The following HECW1 variants were observed in gnomAD, a reference collection of about 807,000 sequenced individuals.
HECW1 encodes E3 ubiquitin-protein ligase HECW1.
In HECW1, 61 loss-of-function variants were observed where a neutral mutation model predicts 182.3. The observed-to-expected ratio is 0.33, with a 90% CI of 0.27 to 0.41. The LOEUF (loss-of-function observed/expected upper bound fraction) is 0.41. Among genes scored for constraint, HECW1 ranks in the 10% least tolerant of loss-of-function variants. The pLI is 1.00. For missense variants in HECW1, 1,739 were observed against 2,108.9 expected, an observed-to-expected ratio of 0.82 and a Z score of 3.44; for synonymous variants, 859 against 832.6, an observed-to-expected ratio of 1.03 and a Z score of -0.55.
chr7:43,250,662 T>C (rs1402094380), intron 3 of HECW1, among the ~76,000 whole-genome samples: 1 of 152,224 alleles, frequency 6.6e-6, no homozygotes, highest in Non-Finnish European at 1.5e-5. Flanking sequence ...ATGCTGTCTC[T>C]CTGAACTTGC....
intron 3 of HECW1, among the ~76,000 whole-genome samples, chr7:43,279,911 GAATC>G (rs1201150797): frequency 6.6e-6 from 1 of 152,222 alleles, no homozygotes; most frequent in Non-Finnish European, 1.5e-5. Context: ...CCTTGGTCAA[GAATC>G]ACCAAGAGCT....
In HECW1 at chr7:43,114,194, G is replaced by A. The variant is rs2152588694; in HGVS notation, c.-229G>A. The A allele has an allele frequency of 2.3e-6, 3 of 1,302,536 alleles. No individual in the cohort carries two copies. The highest frequency in any genetic ancestry group is 3.0e-6 in the Non-Finnish European group (3 of 987,802). 80.7% of individuals were successfully genotyped at this position (1,302,536 alleles called of 1,614,324 possible). ...TGTTCAGCAGAAACGGATACAGCAA[G>A]AGCAGCATAGTTCAAAAATTGAGGG... On this transcript the variant is annotated 5_prime_UTR_variant, in exon 2 of 30. Transcript: ENST00000395891.
intron 2 of HECW1, among the ~76,000 whole-genome samples, chr7:43,178,950 G>C (rs1441624005): frequency 6.6e-6 from 1 of 152,214 alleles, no homozygotes; most frequent in African/African-American, 2.4e-5. Context: ...TATGGAGCAT[G>C]ATACCTGATT....
chr7:43,508,045 G>A lies in HECW1; in HGVS notation c.3780G>A (p.Leu1260=). 3 of 1,613,892 alleles carry A rather than the reference G, an allele frequency of 1.9e-6. No individual in the cohort carries two copies. Among genetic ancestry groups the A allele is most frequent in the Non-Finnish European group, 2.5e-6 (3 of 1,179,828 alleles). ...IKLIIRRDHL[L]EGTFNQVMAY... ...TCATTATTCGCCGGGATCATTTGTT[G>A]GAGGGAACCTTCAATCAGGTGATGG... Residue 1260 remains leucine, a synonymous_variant, in exon 23 of 30, where the codon TTG becomes TTA. Transcript: ENST00000395891.
chr7:43,494,573 A>G (rs377085639), intron 19 of HECW1, among the ~76,000 whole-genome samples: 60 of 151,118 alleles, frequency 4.0e-4, no homozygotes, highest in African/African-American at 1.4e-3. Flanking sequence ...GTACAATCTC[A>G]GCTCACTGCA....
intron 29 of HECW1, among the ~76,000 whole-genome samples, chr7:43,555,820 T>C (rs1225959812): frequency 6.6e-6 from 1 of 152,234 alleles, no homozygotes; most frequent in Non-Finnish European, 1.5e-5. Context: ...TCTTTGTTGT[T>C]TGCATGGCTC....
intron 3 of HECW1, 110 bp downstream of exon 3, chr7:43,244,042 C>G (rs908964121): frequency 9.4e-6 from 8 of 850,904 alleles, no homozygotes; most frequent in Non-Finnish European, 1.4e-5. Context: ...TTGCCCAGCC[C>G]AGGAATTATC....
At chr7:43,555,577 T>G (rs944487319) in intron 29 of HECW1, among the ~76,000 whole-genome samples, 1 of 152,390 alleles carries the variant, frequency 6.6e-6, no homozygotes, top group East Asian at 1.9e-4. Context: ...TGCATTTAAC[T>G]CAGCTCTATT....
chr7:43,183,291 G>A (rs1183772644), intron 2 of HECW1, among the ~76,000 whole-genome samples: 2 of 152,104 alleles, frequency 1.3e-5, no homozygotes, highest in Non-Finnish European at 1.5e-5. Flanking sequence ...CTTCCCTGTC[G>A]ACCTGGTAGG....
intron 5 of HECW1, among the ~76,000 whole-genome samples, chr7:43,344,880 A>G (rs1813472867): frequency 6.6e-6 from 1 of 152,192 alleles, no homozygotes; most frequent in African/African-American, 2.4e-5. Flanking sequence ...TTCATTTTGT[A>G]GACTTAATTC....
Position 43,561,890 on chromosome 7 carries a change from A to G in HECW1, c.4785A>G (p.Thr1595=). The G allele has an allele frequency of 6.2e-7, 1 of 1,613,856 alleles. No homozygotes were observed. The highest frequency in any genetic ancestry group is 8.5e-7 in the Non-Finnish European group (1 of 1,179,678). Residue 1595 remains threonine, a synonymous_variant, in exon 30 of 30, where the codon ACA becomes ACG. Transcript: ENST00000395891. ...SYSMLYEKLL[T]AVEETSTFGL... ...CCATGTTGTATGAAAAGCTGTTAACAGCAGTAGAGGAAACCAGCACCTTTG... is the reference window on the plus strand; with the variant it reads ...CCATGTTGTATGAAAAGCTGTTAACGGCAGTAGAGGAAACCAGCACCTTTG...
At chr7:43,348,320 T>C (rs1301364412) in intron 5 of HECW1, among the ~76,000 whole-genome samples, 2 of 152,220 alleles carry the variant, frequency 1.3e-5, no homozygotes, top group Non-Finnish European at 2.9e-5. Flanking sequence ...CATACTAGCC[T>C]TGAATAGTCT....
intron 6 of HECW1, among the ~76,000 whole-genome samples, chr7:43,370,934 C>T (rs370695300): frequency 6.7e-6 from 1 of 150,026 alleles, no homozygotes; most frequent in South Asian, 2.1e-4. Context: ...GTCACCCAGG[C>T]TGGAGTGCAG....
rs143030407 is a variant in HECW1 at position 43,298,635 on chromosome 7, T to A, written c.28-13128T>A. Among the ~76,000 whole-genome samples the A allele has an allele frequency of 5.2e-3, 790 of 152,346 alleles. 24 individuals carry two copies. Among genetic ancestry groups the A allele is most frequent in the East Asian group, 0.017 (87 of 5,188 alleles). Reference sequence around the variant, plus strand: ...AGACTCAGTAGCATGTACCTGTGGCTCTAGCTTCCTCAGCACTGATGTTTC... The same window carrying A: ...AGACTCAGTAGCATGTACCTGTGGCACTAGCTTCCTCAGCACTGATGTTTC... On this transcript the variant is annotated intron_variant, in intron 3 of 29. Coordinates refer to ENST00000395891, the MANE Select transcript of HECW1 (RefSeq NM_015052.5).
intron 17 of HECW1, among the ~76,000 whole-genome samples, chr7:43,490,840 C>A (rs1301534314): frequency 1.3e-5 from 2 of 152,164 alleles, no homozygotes; most frequent in Non-Finnish European, 2.9e-5. Context: ...TCACTGCAAC[C>A]TATGCCTCCT....
chr7:43,546,088 C>T (rs58258475), intron 26 of HECW1, among the ~76,000 whole-genome samples: 51,636 of 151,614 alleles, frequency 0.34, 8,742 homozygotes, highest in Middle Eastern at 0.41. Flanking sequence ...ATCTTCTTCC[C>T]CTTCTGAACC....
chr7:43,525,326 C>A (rs957348658), intron 24 of HECW1, among the ~76,000 whole-genome samples: 1 of 152,104 alleles, frequency 6.6e-6, no homozygotes, highest in African/African-American at 2.4e-5. Flanking sequence ...TATTTAAATG[C>A]TAAATAGAAT....
intron 2 of HECW1, among the ~76,000 whole-genome samples, chr7:43,178,153 C>G (rs911264806): frequency 6.6e-6 from 1 of 152,118 alleles, no homozygotes; most frequent in African/African-American, 2.4e-5. Context: ...ACTACAGGTG[C>G]CCACCACCAT....
chr7:43,134,513 T>G lies in HECW1; in HGVS notation c.-32+20122T>G, dbSNP rs866657892. On this transcript the variant is annotated intron_variant, in intron 2 of 29. Transcript: ENST00000395891. ...GTGTTTTTATGTTTAAATTTAAATT[T>G]AATTTTTTTAAAGACAGGGTCTTGC... 2.6e-5 allele frequency among the ~76,000 whole-genome samples: 4 copies of G among 152,202 alleles called. No individual in the cohort carries two copies. The Middle Eastern group carries it at 0.01, about 388-fold the overall frequency.
Sources: gnomAD v4.1 joint callset for allele counts (sites outside exome capture counted in the v4.1 genomes callset) on GRCh38, gnomAD v4.1.1 for gene constraint, MANE v1.5 for transcripts, NCBI Gene and HGNC (gene_info 2026-07-23, HGNC 2026-07-21) for gene names.